LINS1: variants seen among roughly 807,000 people sequenced by gnomAD.
LINS1 encodes protein Lines homolog 1.
A neutral mutation model predicts 41.6 loss-of-function variants in LINS1; 27 were observed. The ratio of observed to expected loss-of-function variants is 0.65; its 90% CI spans 0.48 to 0.89. The LOEUF is 0.89. Among genes scored for constraint, LINS1 ranks in the 40% least tolerant of loss-of-function variants. LINS1 has a pLI of 0.00. For synonymous variants in LINS1, 336 were observed against 312.9 expected (o/e 1.07, Z -0.78); for missense variants, 955 against 884.1 (o/e 1.08, Z -1.02).
At position 100,569,674 on chromosome 15, in the gene LINS1, C is replaced by G. The variant is rs1180019315; in HGVS notation, c.1838G>C (p.Cys613Ser). ...AVMSKGAHTM[C>S]ASSLSSPRAS... ...CCGGGGGGAAGACAGACTAGAAGCACACATGGTGTGAGCCCCCTTGGACAT... is the reference window on the plus strand; with the variant it reads ...CCGGGGGGAAGACAGACTAGAAGCAGACATGGTGTGAGCCCCCTTGGACAT... The change falls in exon 7 of 7, where the codon TGT becomes TCT. Residue 613 changes from cysteine to serine, a missense_variant. Coordinates refer to ENST00000314742, the MANE Select transcript of LINS1 (RefSeq NM_001040616.3). The G allele has an allele frequency of 6.2e-7, 1 of 1,613,770 alleles. No individual in the cohort carries two copies. Among genetic ancestry groups the G allele is most frequent in the Non-Finnish European group, 8.5e-7 (1 of 1,179,802 alleles).
At position 100,569,360 on chromosome 15, in the gene LINS1, C is replaced by A; in HGVS notation, c.2152G>T (p.Glu718Ter). ...AAACGGCAGATGGCATCTTGTAGTT[C>A]CTGGAAGCATTTTACTATTCTGTAA... ...IFYRIVKCFQELQDAICRLQK... is the reference protein window; with the variant it reads ...IFYRIVKCFQ The change falls in exon 7 of 7, where the codon GAA becomes TAA. Residue 718 changes from glutamate (E) to a stop codon, truncating the protein, a stop_gained. Transcript: ENST00000314742. LOFTEE classifies it low-confidence loss of function (END_TRUNC). 6.2e-7 allele frequency: 1 copy of A among 1,614,094 alleles called. No homozygotes were observed.
At chr15:100,588,253 T>C (rs2141338489) in intron 1 of LINS1, among the ~76,000 whole-genome samples, 1 of 152,332 alleles carries the variant, frequency 6.6e-6, no homozygotes, top group East Asian at 1.9e-4. Context: ...AGTCATGTCC[T>C]TGGGAGCTTG....
At chr15:100,594,883 G>A (rs2039181367) in intron 1 of LINS1, among the ~76,000 whole-genome samples, 1 of 152,118 alleles carries the variant, frequency 6.6e-6, no homozygotes, top group East Asian at 1.9e-4. Flanking sequence ...GATATGGAGG[G>A]CTGACTATAC....
chr15:100,574,223 A>G lies in LINS1; in HGVS notation c.650T>C (p.Leu217Pro). Residue 217 changes from leucine (L) to proline (P), a missense_variant, in exon 5 of 7, where the codon CTG (leucine) becomes CCG (proline). Physicochemically the swap from Leu to Pro is moderately conservative, Grantham distance 98 (BLOSUM62 -3). Coordinates refer to ENST00000314742, the MANE Select transcript of LINS1 (RefSeq NM_001040616.3). ...TTCAAAAATGGTGTCGAAATGAGTC[A>G]GGAACTGCTTTAGAATTTCTGCAAT... ...SQKTEILKQF[L>P]THFDTIFEVF... The G allele has an allele frequency of 6.2e-7, 1 of 1,605,634 alleles. No homozygotes were observed. The highest frequency in any genetic ancestry group is 1.1e-5 in the South Asian group (1 of 90,732).
At chr15:100,591,177 C>CA (rs1377811295) in intron 1 of LINS1, among the ~76,000 whole-genome samples, 2 of 151,900 alleles carry the variant, frequency 1.3e-5, no homozygotes, top group East Asian at 3.9e-4. Context: ...AACTCTGTCT[C>CA]AAAAAATAAA....
chr15:100,572,144 T>C, intron 5 of LINS1, 79 bp from the exon 6 acceptor site: 1 of 1,571,906 alleles, frequency 6.4e-7, no homozygotes, highest in Non-Finnish European at 8.6e-7. Context: ...AAATTCATAG[T>C]GTCTAAAGTA....
Position 100,580,331 on chromosome 15 carries a change from C to G in LINS1, c.421G>C (p.Asp141His), listed in dbSNP as rs1171632849. 1 of 1,612,972 alleles carries G rather than the reference C, an allele frequency of 6.2e-7. No homozygotes were observed. Among genetic ancestry groups the G allele is most frequent in the East Asian group, 2.2e-5 (1 of 44,836 alleles). ...GCAGCCATGTGAGATAACAATTTAT[C>G]TGAATTTTGGAACATGCAGATCTAC... ...SKLICMFQNS[D>H]KLLSHMAAQC... is the part of the protein sequence containing the mutation. Residue 141 changes from aspartate (D) to histidine (H), a missense_variant, in exon 3 of 7, where the codon GAT (aspartate) becomes CAT (histidine). Physicochemically the swap from Asp to His is moderately conservative, Grantham distance 81 (BLOSUM62 -1). Transcript: ENST00000314742.
At chr15:100,576,198 G>A (rs1322229153) in intron 3 of LINS1, among the ~76,000 whole-genome samples, 1 of 152,078 alleles carries the variant, frequency 6.6e-6, no homozygotes, top group Non-Finnish European at 1.5e-5. Flanking sequence ...AGGAGATAGA[G>A]ACACAAAAAA....
chr15:100,573,878 A>G lies in LINS1; in HGVS notation c.995T>C (p.Val332Ala). The stretch of plus-strand genomic sequence containing the variant: ...AGCATTAGCTAAAGCCAGCATGTCC[A>G]CCGCTACATGATGGTCTGGCGGCAT... ...ALMPPDHHVAVDMLALANAVL... is the reference protein window; with the variant it reads ...ALMPPDHHVAADMLALANAVL... Residue 332 changes from valine to alanine, a missense_variant, in exon 5 of 7, where the codon GTG becomes GCG. By Grantham distance (64) the Val-to-Ala change is moderately conservative. Coordinates refer to ENST00000314742, the MANE Select transcript of LINS1 (RefSeq NM_001040616.3). 1 of 1,614,224 alleles carries G rather than the reference A, an allele frequency of 6.2e-7. No individual in the cohort carries two copies. The highest frequency in any genetic ancestry group is 8.5e-7 in the Non-Finnish European group (1 of 1,180,032).
chr15:100,578,611 G>A (rs2038333510), intron 3 of LINS1, among the ~76,000 whole-genome samples: 1 of 152,236 alleles, frequency 6.6e-6, no homozygotes, highest in Admixed American at 6.5e-5. Context: ...GTGGAAGACA[G>A]TGTGGCGATT....
Position 100,571,993 on chromosome 15 carries a change from T to C in LINS1, c.1295A>G (p.His432Arg). ...CCGAGACAGCCATTTGCACGGATTG[T>C]GTAATTGCAGAGAGGGCTGAAGATG... The part of the protein sequence containing the change: ...KPHLQPSLQL[H>R]NPCKWLSRVF... The change falls in exon 6 of 7, where the codon CAC becomes CGC. Residue 432 changes from histidine to arginine, a missense_variant. Coordinates refer to ENST00000314742, the MANE Select transcript of LINS1 (RefSeq NM_001040616.3). 1.9e-6 allele frequency: 3 copies of C among 1,614,210 alleles called. No individual in the cohort carries two copies. Among genetic ancestry groups the C allele is most frequent in the Non-Finnish European group, 2.5e-6 (3 of 1,180,048 alleles).
At position 100,600,551 on chromosome 15, in the gene LINS1, C is replaced by CAAAAAAAAAAAAAAAAA. The variant is rs56911211; in HGVS notation, c.-104+1553_-104+1569dup. 4.3e-4 allele frequency among the ~76,000 whole-genome samples: 34 copies of CAAAAAAAAAAAAAAAAA among 79,670 alleles called. 7 individuals carry two copies. Among genetic ancestry groups the CAAAAAAAAAAAAAAAAA allele is most frequent in the African/African-American group, 1.7e-3 (26 of 15,010 alleles). The allele number at this position is 79,670 out of a possible 152,430, so 52.3% of individuals were successfully genotyped here. A position where few individuals can be genotyped will look rare whatever the true frequency, so the allele number is the denominator to read the frequency against. Reference sequence around the variant, plus strand: ...TTTACATTGGAGTCCTGCTGTTAAGCAAAAAAAAAAAAAAAAAAAACAGGG... The same window carrying CAAAAAAAAAAAAAAAAA: ...TTTACATTGGAGTCCTGCTGTTAAGCAAAAAAAAAAAAAAAAAAAAAAAAAAAAAAAAAAAAACAGGG... On this transcript the variant is annotated intron_variant, in intron 1 of 6. Transcript: ENST00000314742.
intron 5 of LINS1, chr15:100,572,453 ATT>A: frequency 9.4e-7 from 1 of 1,059,250 alleles, no homozygotes. Flanking sequence ...AGCAAAAATA[ATT>A]TTGTCTTCAA....
chr15:100,583,914 C>T lies in LINS1; in HGVS notation c.-103-2969G>A, dbSNP rs537643128. 3.9e-5 allele frequency among the ~76,000 whole-genome samples: 6 copies of T among 152,118 alleles called. No homozygotes were observed. The East Asian group carries it at 1.2e-3, about 29-fold the overall frequency. ...AGTTATAATAACATTTCTTTTCAAA[C>T]TACTGACACTATAAGACAGAATATT... On this transcript the variant is annotated intron_variant, in intron 1 of 6. Coordinates refer to ENST00000314742, the MANE Select transcript of LINS1 (RefSeq NM_001040616.3).
At position 100,572,354 on chromosome 15, in the gene LINS1, G is replaced by C. The variant is rs913283667; in HGVS notation, c.1223-289C>G. 4.2e-6 allele frequency: 5 copies of C among 1,196,292 alleles called. No homozygotes were observed. In the African/African-American group the frequency reaches 6.3e-5, roughly 15 times the overall value. 74.1% of individuals were successfully genotyped at this position (1,196,292 alleles called of 1,614,324 possible). On this transcript the variant is annotated intron_variant, in intron 5 of 6. Coordinates refer to ENST00000314742, the MANE Select transcript of LINS1 (RefSeq NM_001040616.3). ...TGTCTCTTAGAAATAAAAGTTATGT[G>C]ATTTCTTGCTAAAAGCAGATAAATA...
chr15:100,589,446 A>G (rs1039081648), intron 1 of LINS1, among the ~76,000 whole-genome samples: 7 of 152,232 alleles, frequency 4.6e-5, no homozygotes, highest in African/African-American at 1.7e-4. Flanking sequence ...ATGATAACCC[A>G]TCAGTTACCA....
At position 100,587,182 on chromosome 15, in the gene LINS1, A is replaced by AAAAAAAG. The variant is rs1555434011; in HGVS notation, c.-103-6238_-103-6237insCTTTTTT. ...TAAAAAAAAAAAAAAAAAAAAAAAAACATTAGCAGTTTGGCAATTCTTTAA... is the reference window on the plus strand; with the variant it reads ...TAAAAAAAAAAAAAAAAAAAAAAAAAAAAAAAGCATTAGCAGTTTGGCAATTCTTTAA... On this transcript the variant is annotated intron_variant, in intron 1 of 6. Transcript: ENST00000314742. Among the ~76,000 whole-genome samples, 210 of 124,398 alleles carry AAAAAAAG rather than the reference A, an allele frequency of 1.7e-3. 18 individuals are homozygous for AAAAAAAG. Among genetic ancestry groups the AAAAAAAG allele is most frequent in the African/African-American group, 3.2e-3 (107 of 33,000 alleles). 81.6% of individuals were successfully genotyped at this position (124,398 alleles called of 152,430 possible). A position where few individuals can be genotyped will look rare whatever the true frequency, so the allele number is the denominator to read the frequency against.
chr15:100,596,284 C>G (rs2039240976), intron 1 of LINS1, among the ~76,000 whole-genome samples: 1 of 152,204 alleles, frequency 6.6e-6, no homozygotes, highest in African/African-American at 2.4e-5. Flanking sequence ...AGGGCCCTAT[C>G]CTAGGAGCTT....
At chr15:100,599,567 T>G (rs185277852) in intron 1 of LINS1, among the ~76,000 whole-genome samples, 2 of 152,356 alleles carry the variant, frequency 1.3e-5, no homozygotes, top group East Asian at 3.9e-4. Flanking sequence ...TCTCTCTACT[T>G]AACTATCATT....
Sources: gnomAD v4.1 joint callset for allele counts (sites outside exome capture counted in the v4.1 genomes callset) on GRCh38, gnomAD v4.1.1 for gene constraint, MANE v1.5 for transcripts, NCBI Gene and HGNC (gene_info 2026-07-23, HGNC 2026-07-21) for gene names.